TRHDE: variants seen among roughly 807,000 people sequenced by gnomAD.
TRHDE encodes the protein thyrotropin-releasing hormone-degrading ectoenzyme.
In TRHDE, 72 loss-of-function variants were observed where a neutral mutation model predicts 125.7. That is an observed-to-expected ratio of 0.57 (90% CI 0.47 to 0.70). The LOEUF (loss-of-function observed/expected upper bound fraction) is 0.70. TRHDE is among the 30% of genes least tolerant of loss of function. The pLI is 0.00. For synonymous variants in TRHDE, 509 were observed against 509.1 expected (o/e 1.00, Z 0.00); for missense variants, 1,110 against 1,327.1 (o/e 0.84, Z 2.54).
At chr12:72,589,612 A>C (rs1046441286) in intron 12 of TRHDE, among the ~76,000 whole-genome samples, 9 of 152,116 alleles carry the variant, frequency 5.9e-5, no homozygotes, top group Non-Finnish European at 8.8e-5. Context: ...ATTGGTATAG[A>C]GCTGTTCAAA....
chr12:72,301,925 A>G (rs570765369), intron 2 of TRHDE, among the ~76,000 whole-genome samples: 2 of 152,324 alleles, frequency 1.3e-5, no homozygotes, highest in South Asian at 4.1e-4. Flanking sequence ...AGGTGAAGAC[A>G]GGAATACTGC....
intron 2 of TRHDE, among the ~76,000 whole-genome samples, chr12:72,231,438 G>A (rs1878243776): frequency 6.6e-6 from 1 of 152,138 alleles, no homozygotes; most frequent in Non-Finnish European, 1.5e-5. Context: ...CTTGATAAGA[G>A]TTCTGTTGTG....
intron 2 of TRHDE, among the ~76,000 whole-genome samples, chr12:72,356,536 A>G (rs916417778): frequency 6.6e-6 from 1 of 151,520 alleles, no homozygotes; most frequent in African/African-American, 2.4e-5. Flanking sequence ...AACCTAAAAT[A>G]AAAGTTAAAA....
chr12:72,171,447 T>A (rs983649286), intron 2 of TRHDE, among the ~76,000 whole-genome samples: 8 of 152,192 alleles, frequency 5.3e-5, no homozygotes, highest in African/African-American at 1.9e-4. Context: ...GAAAGGGGAC[T>A]TTTTCTAATT....
At chr12:72,222,532 G>GT (rs5799067) in intron 2 of TRHDE, among the ~76,000 whole-genome samples, 115,899 of 151,950 alleles carry the variant, frequency 0.76, 44,490 homozygotes, top group Non-Finnish European at 0.79. Flanking sequence ...GATTTGTTAT[G>GT]TCTGGGGATA....
intron 2 of TRHDE, among the ~76,000 whole-genome samples, chr12:72,192,268 A>C (rs35746434): frequency 1.3e-5 from 2 of 152,078 alleles, no homozygotes; most frequent in East Asian, 1.9e-4. Flanking sequence ...CTGCATTTCT[A>C]TCAAGGTCCC....
chr12:72,125,552 CCTATGTA>C (rs1206500454), intron 2 of TRHDE, among the ~76,000 whole-genome samples: 1 of 152,140 alleles, frequency 6.6e-6, no homozygotes, highest in African/African-American at 2.4e-5. Flanking sequence ...AACATACACT[CCTATGTA>C]TTTAATGTAT....
Position 72,651,118 on chromosome 12 carries a change from G to A in TRHDE, c.2676-1204G>A, listed in dbSNP as rs1874488580. On this transcript the variant is annotated intron_variant, in intron 15 of 18. Coordinates refer to ENST00000261180, the MANE Select transcript of TRHDE (RefSeq NM_013381.3). ...ACAAAATGTTTTCTAATGCCACAAG[G>A]AAAAAGGGCTTCAGTTAACAAAATT... 1.3e-5 allele frequency among the ~76,000 whole-genome samples: 2 copies of A among 151,972 alleles called. 1 individual carries two copies. Among genetic ancestry groups the A allele is most frequent in the South Asian group, 4.1e-4 (2 of 4,830 alleles).
chr12:72,229,529 A>C (rs1320983499), intron 2 of TRHDE, among the ~76,000 whole-genome samples: 1 of 152,298 alleles, frequency 6.6e-6, no homozygotes, highest in East Asian at 1.9e-4. Context: ...GAGTAGTAAA[A>C]GCCTGGGTGA....
At position 72,577,598 on chromosome 12, in the gene TRHDE, A is replaced by G. The variant is rs553419836; in HGVS notation, c.2321+2056A>G. ...GGTTTGAAATGATGGTGAGAAAGCA[A>G]GTAAGTAGTGATAGCCTAATGACAG... On this transcript the variant is annotated intron_variant, in intron 12 of 18. Transcript: ENST00000261180. Among the ~76,000 whole-genome samples, 174 of 152,334 alleles carry G rather than the reference A, an allele frequency of 1.1e-3. No individual in the cohort carries two copies. In the Middle Eastern group the frequency reaches 0.014, roughly 12 times the overall value.
chr12:72,415,476 C>T (rs905846588), intron 3 of TRHDE, among the ~76,000 whole-genome samples: 1 of 151,650 alleles, frequency 6.6e-6, no homozygotes, highest in East Asian at 1.9e-4. Context: ...GATCTTATAC[C>T]TTCTGTCTAA....
intron 2 of TRHDE, among the ~76,000 whole-genome samples, chr12:72,215,560 A>G (rs1356001979): frequency 6.6e-6 from 1 of 152,116 alleles, no homozygotes; most frequent in African/African-American, 2.4e-5. Context: ...TCATTCAACA[A>G]CTGTTTGCTC....
chr12:72,432,073 G>A (rs138683277), intron 3 of TRHDE: 1 of 153,646 alleles, frequency 6.5e-6, no homozygotes, highest in Non-Finnish European at 1.5e-5. Flanking sequence ...ATAAGCCATG[G>A]TATAGAGACT....
At chr12:72,186,472 C>G (rs1877215916) in intron 2 of TRHDE, 1 of 164,748 alleles carries the variant, frequency 6.1e-6, no homozygotes, top group Admixed American at 6.5e-5. Context: ...GGAAGAAACT[C>G]CAAACACATC....
At chr12:72,422,640 A>G (rs1281074578) in intron 3 of TRHDE, among the ~76,000 whole-genome samples, 2 of 152,214 alleles carry the variant, frequency 1.3e-5, no homozygotes, top group Non-Finnish European at 2.9e-5. Context: ...AAATATGCGC[A>G]AGAAATAGTT....
intron 5 of TRHDE, among the ~76,000 whole-genome samples, chr12:72,479,211 A>C (rs1166995143): frequency 6.6e-6 from 1 of 152,152 alleles, no homozygotes; most frequent in Non-Finnish European, 1.5e-5. Context: ...GCACAGATAC[A>C]TTTTTGAGTA....
At chr12:72,598,719 T>C (rs542828621) in intron 12 of TRHDE, among the ~76,000 whole-genome samples, 1 of 152,288 alleles carries the variant, frequency 6.6e-6, no homozygotes, top group East Asian at 1.9e-4. Flanking sequence ...GTTTTTCTTT[T>C]CTTTTTTTAA....
chr12:72,361,159 T>C (rs1451255577), intron 2 of TRHDE, among the ~76,000 whole-genome samples: 1 of 151,930 alleles, frequency 6.6e-6, no homozygotes, highest in African/African-American at 2.4e-5. Flanking sequence ...ACTTCTTTGT[T>C]AATTCTTCTG....
At chr12:72,519,436 C>T (rs1429227876) in intron 6 of TRHDE, among the ~76,000 whole-genome samples, 8 of 152,132 alleles carry the variant, frequency 5.3e-5, no homozygotes, top group African/African-American at 7.2e-5. Flanking sequence ...TTGATCGCAT[C>T]GGCTCCTGAG....
Sources: allele counts gnomAD v4.1 joint callset (sites outside exome capture counted in the v4.1 genomes callset), GRCh38; gene constraint gnomAD v4.1.1; transcripts MANE v1.5; gene names NCBI Gene and HGNC (gene_info 2026-07-23, HGNC 2026-07-21).